Variants in ATP13A1 observed in about 807,000 individuals in gnomAD.
ATP13A1 encodes ATPase 13A1, also known as endoplasmic reticulum transmembrane helix translocase.
Under a neutral mutation model 134.8 loss-of-function variants are expected in ATP13A1, and 55 were observed. The observed-to-expected ratio is 0.41, with a 90% CI of 0.33 to 0.51. ATP13A1 has a LOEUF of 0.51. ATP13A1 is among the 20% of genes least tolerant of loss of function. The pLI is 0.29. For missense variants in ATP13A1, 1,389 were observed against 1,652.8 expected (o/e 0.84, Z 2.77); for synonymous variants, 775 against 725.1 (o/e 1.07, Z -1.10).
chr19:19,655,946 G>C lies in ATP13A1; in HGVS notation c.1214-13C>G. ...CCGCTGTCAACCGCTGGGGAGAGAA[G>C]CAGAGTCACCGTCATGCCTGTCTCC... On this transcript the variant is annotated splice_polypyrimidine_tract_variant and intron_variant, in intron 8 of 25. Coordinates refer to ENST00000357324, the MANE Select transcript of ATP13A1 (RefSeq NM_020410.3). This position sits in a 1 kb window ranked among gnomAD's most constrained non-coding sequence, Gnocchi z 5.7. The C allele has an allele frequency of 6.2e-7, 1 of 1,604,516 alleles. No individual in the cohort carries two copies. Among genetic ancestry groups the C allele is most frequent in the Non-Finnish European group, 8.5e-7 (1 of 1,178,472 alleles).
At chr19:19,654,467 G>C in intron 13 of ATP13A1, 76 bp downstream of exon 13, 1 of 1,491,176 alleles carries the variant, frequency 6.7e-7, no homozygotes, top group Non-Finnish European at 8.9e-7. Context: ...GATGCTCTGA[G>C]GGGTGCAGCC....
At chr19:19,660,454 C>G (rs1196369331) in intron 1 of ATP13A1, 2 of 157,854 alleles carry the variant, frequency 1.3e-5, no homozygotes, top group Non-Finnish European at 2.8e-5. Context: ...GCACTCCAGC[C>G]TGGGTGGCAG....
chr19:19,663,310 A>G lies in ATP13A1; in HGVS notation c.357T>C (p.His119=). ...GCGCGCAATGCGCGTGCACAGACCA[A>G]TGCCCCGAGAGGACAGTGAGCGCGT... is the stretch of plus-strand genomic sequence containing the variant. ...LAHALTVLSG[H]WSVHAHCALT... Residue 119 remains histidine (H), a synonymous_variant, in exon 1 of 26, where the codon CAT becomes CAC. Coordinates refer to ENST00000357324, the MANE Select transcript of ATP13A1 (RefSeq NM_020410.3). 6.3e-7 allele frequency: 1 copy of G among 1,590,638 alleles called. No homozygotes were observed. The highest frequency in any genetic ancestry group is 2.3e-5 in the East Asian group (1 of 43,308).
chr19:19,662,577 G>A (rs966653831), intron 1 of ATP13A1, among the ~76,000 whole-genome samples: 1 of 152,154 alleles, frequency 6.6e-6, no homozygotes, highest in Admixed American at 6.5e-5. Flanking sequence ...CTCCTCCGAC[G>A]ACACTTGGTC....
In ATP13A1 at chr19:19,659,600, C is replaced by T. The variant is rs776647053; in HGVS notation, c.677+1G>A. 1 of 1,609,236 alleles carries T rather than the reference C, an allele frequency of 6.2e-7. No homozygotes were observed. Among genetic ancestry groups the T allele is most frequent in the Non-Finnish European group, 8.5e-7 (1 of 1,175,928 alleles). The stretch of plus-strand genomic sequence containing the variant: ...GTGCTACAGGCAAATCAAGGACTCA[C>T]TTGTTGCTCCCAAATTTCTTCTCAG... On this transcript the variant is annotated splice_donor_variant, in intron 3 of 25. Coordinates refer to ENST00000357324, the MANE Select transcript of ATP13A1 (RefSeq NM_020410.3). LOFTEE classifies it high-confidence loss of function.
At chr19:19,659,397 G>C (rs1243210606) in intron 3 of ATP13A1, among the ~76,000 whole-genome samples, 3 of 151,974 alleles carry the variant, frequency 2.0e-5, no homozygotes, top group African/African-American at 4.8e-5. Flanking sequence ...CGGAGGTTGG[G>C]GTGAGCTGAG....
At position 19,645,512 on chromosome 19, in the gene ATP13A1, C is replaced by T. The variant is rs752656062; in HGVS notation, c.3525G>A (p.Gln1175=). The T allele has an allele frequency of 1.9e-6, 3 of 1,604,622 alleles. No individual in the cohort carries two copies. In the East Asian group the frequency reaches 6.8e-5, roughly 36 times the overall value. ...IPVEFKLVIA[Q]VLLLDFCLAL... is the part of the protein sequence containing the mutation. ...CCAGGCAGAAGTCCAGGAGCAGGACCTGGGCAATGACCAGCTTGAACTGTC... is the reference window on the plus strand; with the variant it reads ...CCAGGCAGAAGTCCAGGAGCAGGACTTGGGCAATGACCAGCTTGAACTGTC... The change falls in exon 26 of 26, where the codon CAG becomes CAA. Residue 1175 remains glutamine, a synonymous_variant. Transcript: ENST00000357324. The surrounding 1 kb of genome is among the most constrained non-coding windows in gnomAD (Gnocchi z 4.1).
rs530016450 is a variant in ATP13A1, at chr19:19,655,329, G to T, written c.1521C>A (p.Ala507=). The change falls in exon 11 of 26, where the codon GCC becomes GCA. Residue 507 remains alanine (A), a synonymous_variant. Coordinates refer to ENST00000357324, the MANE Select transcript of ATP13A1 (RefSeq NM_020410.3). This position sits in a 1 kb window ranked among gnomAD's most constrained non-coding sequence, Gnocchi z 5.7. ...LSLAVNTSLI[A]LAKLYMYCTE... ...TGACACACTCACAGAGCTTGGCCAGGGCGATGAGGGAGGTGTTGACGGCCA... is the reference window on the plus strand; with the variant it reads ...TGACACACTCACAGAGCTTGGCCAGTGCGATGAGGGAGGTGTTGACGGCCA... The T allele has an allele frequency of 2.3e-5, 37 of 1,613,980 alleles. 1 individual carries two copies. The South Asian group carries it at 3.8e-4, about 17-fold the overall frequency.
Position 19,654,698 on chromosome 19 carries a change from T to A in ATP13A1, c.1658A>T (p.Asp553Val), listed in dbSNP as rs773601008. 6.2e-7 allele frequency: 1 copy of A among 1,611,078 alleles called. No homozygotes were observed. The highest frequency in any genetic ancestry group is 8.5e-7 in the Non-Finnish European group (1 of 1,179,008). Residue 553 changes from aspartate (D) to valine (V), a missense_variant and splice_region_variant, in exon 13 of 26, where the codon GAC becomes GTC. By Grantham distance (152) the Asp-to-Val change is radical. Coordinates refer to ENST00000357324, the MANE Select transcript of ATP13A1 (RefSeq NM_020410.3). ...GGACACTGGGGTCACCTCCTTCCCG[T>A]CTCTGCAAGGTCGGGGAACAGCTGG... Reference protein sequence around the residue: ...LVVRGVAGLRDGKEVTPVSSI... With the variant: ...LVVRGVAGLRVGKEVTPVSSI...
At position 19,645,389 on chromosome 19, in the gene ATP13A1, C is replaced by G. The variant is rs1021719911; in HGVS notation, c.*33G>C. 3 of 1,565,772 alleles carry G rather than the reference C, an allele frequency of 1.9e-6. No homozygotes were observed. Among genetic ancestry groups the G allele is most frequent in the Non-Finnish European group, 2.6e-6 (3 of 1,156,372 alleles). On this transcript the variant is annotated 3_prime_UTR_variant, in exon 26 of 26. Coordinates refer to ENST00000357324, the MANE Select transcript of ATP13A1 (RefSeq NM_020410.3). This position sits in a 1 kb window ranked among gnomAD's most constrained non-coding sequence, Gnocchi z 4.1. ...TGTTGGGGTTCCCGCCCAGCGGCAG[C>G]CAGGGTGGGCAGTGGGTACCAGCAC...
chr19:19,649,872 C>A lies in ATP13A1; in HGVS notation c.2404G>T (p.Ala802Ser). 7 of 1,602,888 alleles carry A rather than the reference C, an allele frequency of 4.4e-6. No individual in the cohort carries two copies. The highest frequency in any genetic ancestry group is 5.9e-6 in the Non-Finnish European group (7 of 1,179,610). The change falls in exon 18 of 26, where the codon GCA becomes TCA. Residue 802 changes from alanine (A) to serine (S), a missense_variant. Transcript: ENST00000357324. ...CACAGTGCGTACTCCAGGGCCAGTG[C>A]CTTTGGGGAGCCCCGGGCCAGGGGC... ...VLPLARGSPK[A>S]LALEYALCLT...
At position 19,647,970 on chromosome 19, in the gene ATP13A1, TA is replaced by T. The variant is rs1420858153; in HGVS notation, c.2633-212del. Among the ~76,000 whole-genome samples the T allele has an allele frequency of 6.6e-6, 1 of 152,016 alleles. No individual in the cohort carries two copies. The highest frequency in any genetic ancestry group is 1.9e-4 in the East Asian group (1 of 5,188). On this transcript the variant is annotated intron_variant, in intron 19 of 25. Transcript: ENST00000357324. This position sits in a 1 kb window ranked among gnomAD's most constrained non-coding sequence, Gnocchi z 4.8. ...CTTTAAGAAAACAAACCACCAACAATAAACCCCCACAACAAATGCAATGAAA... is the reference window on the plus strand; with the variant it reads ...CTTTAAGAAAACAAACCACCAACAATAACCCCCACAACAAATGCAATGAAA...
chr19:19,646,712 G>A, intron 22 of ATP13A1: 1 of 378,732 alleles, frequency 2.6e-6, no homozygotes. Context: ...ATGCCTGTTT[G>A]GGGCCTTTGT....
intron 16 of ATP13A1, among the ~76,000 whole-genome samples, 200 bp from the exon 17 acceptor site, chr19:19,651,997 C>G (rs1484933770): frequency 6.6e-6 from 1 of 152,016 alleles, no homozygotes; most frequent in Non-Finnish European, 1.5e-5. Context: ...GTATGTGCGT[C>G]CTTCTGAAGA....
chr19:19,657,446 G>A lies in ATP13A1; in HGVS notation c.678-38C>T, dbSNP rs745568310. 8.4e-6 allele frequency: 13 copies of A among 1,543,104 alleles called. No individual in the cohort carries two copies. The African/African-American group carries it at 1.6e-4, about 20-fold the overall frequency. On this transcript the variant is annotated intron_variant, in intron 3 of 25. Transcript: ENST00000357324. The stretch of plus-strand genomic sequence containing the variant: ...AGGCCCCATCCTGTTCCCAGGGCAA[G>A]GCCTCTGGGGTATGGAGTCTCCACC...
At position 19,655,335 on chromosome 19, in the gene ATP13A1, G is replaced by A; in HGVS notation, c.1515C>T (p.Leu505=). ...IELSLAVNTS[L]IALAKLYMYC... ...ACTCACAGAGCTTGGCCAGGGCGAT[G>A]AGGGAGGTGTTGACGGCCAGGGACA... The change falls in exon 11 of 26, where the codon CTC becomes CTT. Residue 505 remains leucine, a synonymous_variant. Transcript: ENST00000357324. This position sits in a 1 kb window ranked among gnomAD's most constrained non-coding sequence, Gnocchi z 5.7. The A allele has an allele frequency of 6.2e-7, 1 of 1,613,994 alleles. No individual in the cohort carries two copies. Among genetic ancestry groups the A allele is most frequent in the South Asian group, 1.1e-5 (1 of 91,086 alleles).
Position 19,655,711 on chromosome 19 carries a change from C to G in ATP13A1, c.1270-57G>C, listed in dbSNP as rs1354854464. The stretch of plus-strand genomic sequence containing the variant: ...TCTGGACTCCCTCCAGCAGCTCAGG[C>G]CTGGAAGCGTGGGCCTGGTCTTGGG... On this transcript the variant is annotated intron_variant, in intron 9 of 25. Coordinates refer to ENST00000357324, the MANE Select transcript of ATP13A1 (RefSeq NM_020410.3). This position sits in a 1 kb window ranked among gnomAD's most constrained non-coding sequence, Gnocchi z 5.7. The G allele has an allele frequency of 1.3e-6, 2 of 1,579,456 alleles. No homozygotes were observed. The highest frequency in any genetic ancestry group is 3.6e-5 in the Admixed American group (2 of 54,926).
Position 19,654,269 on chromosome 19 carries a change from C to A in ATP13A1, c.1814-125G>T. On this transcript the variant is annotated intron_variant, in intron 13 of 25. Coordinates refer to ENST00000357324, the MANE Select transcript of ATP13A1 (RefSeq NM_020410.3). ...CCCAGGGCCTGATCGGGGCTCTGGGCTAGAGCAGGTGTTGGTCCAGAGCTG... is the reference window on the plus strand; with the variant it reads ...CCCAGGGCCTGATCGGGGCTCTGGGATAGAGCAGGTGTTGGTCCAGAGCTG... 8 of 1,115,852 alleles carry A rather than the reference C, an allele frequency of 7.2e-6. No homozygotes were observed. In the South Asian group the frequency reaches 1.1e-4, roughly 16 times the overall value. The allele number at this position is 1,115,852 out of a possible 1,614,324, so 69.1% of individuals were successfully genotyped here. A position where few individuals can be genotyped will look rare whatever the true frequency, so the allele number is the denominator to read the frequency against.
chr19:19,651,463 A>G (rs1340011027), intron 17 of ATP13A1: 6 of 445,400 alleles, frequency 1.3e-5, no homozygotes, highest in African/African-American at 2.0e-5. Context: ...CTATCGCCTC[A>G]TTATGGTAAA....
Sources: allele counts gnomAD v4.1 joint callset (sites outside exome capture counted in the v4.1 genomes callset), GRCh38; gene constraint gnomAD v4.1.1; non-coding constraint Gnocchi (gnomAD v3.1); transcripts MANE v1.5; gene names NCBI Gene and HGNC (gene_info 2026-07-23, HGNC 2026-07-21).